Variants in LGSN observed in about 807,000 individuals in gnomAD.
The protein encoded by LGSN is lengsin, lens protein with glutamine synthetase domain.
A neutral mutation model predicts 19.5 loss-of-function variants in LGSN; 21 were observed. That is an observed-to-expected ratio of 1.07 (90% confidence interval 0.76 to 1.55). The LOEUF is 1.55. Among genes scored for constraint, LGSN ranks in the 40% most tolerant of loss-of-function variants. The pLI is 0.00. For missense variants in LGSN, 673 were observed against 608.5 expected, an observed-to-expected ratio of 1.11 and a Z score of -1.12; for synonymous variants, 257 against 215.6, an observed-to-expected ratio of 1.19 and a Z score of -1.68.
At chr6:63,348,655 A>G in the LGSN span, among the ~76,000 whole-genome samples, 1 of 151,928 alleles carries the variant, frequency 6.6e-6, no homozygotes, top group Non-Finnish European at 1.5e-5. Flanking sequence ...GCCTACAGTA[A>G]TCTGTGTTTG....
At chr6:63,304,530 G>A (rs899713320) in intron 1 of LGSN, among the ~76,000 whole-genome samples, 2 of 152,192 alleles carry the variant, frequency 1.3e-5, no homozygotes, top group Non-Finnish European at 2.9e-5. Context: ...ACTGGGTTTT[G>A]TAGAGATTCA....
the LGSN span, among the ~76,000 whole-genome samples, chr6:63,334,910 G>C: frequency 6.6e-6 from 1 of 152,034 alleles, no homozygotes; most frequent in African/African-American, 2.4e-5. Flanking sequence ...AGGCTGAGGA[G>C]GATGGATCAC....
chr6:63,458,859 A>C, the LGSN span, among the ~76,000 whole-genome samples: 4 of 152,350 alleles, frequency 2.6e-5, no homozygotes, highest in East Asian at 7.7e-4. Context: ...CATCATGGGA[A>C]GGTATTGGGC....
the LGSN span, among the ~76,000 whole-genome samples, chr6:63,533,358 G>A: frequency 6.6e-6 from 1 of 151,992 alleles, no homozygotes; most frequent in African/African-American, 2.4e-5. Context: ...CTTCAGCCTG[G>A]GCCACAGAGC....
chr6:63,486,814 GTTTAT>G, the LGSN span, among the ~76,000 whole-genome samples: 13 of 141,764 alleles, frequency 9.2e-5, no homozygotes, highest in African/African-American at 3.6e-4. Flanking sequence ...GTTTTTGTAT[GTTTAT>G]TTTATTATTA....
At chr6:63,420,267 G>A in the LGSN span, among the ~76,000 whole-genome samples, 21 of 151,132 alleles carry the variant, frequency 1.4e-4, no homozygotes, top group Non-Finnish European at 2.2e-4. Context: ...GCATCCCCCC[G>A]GCCCCCTGGG....
chr6:63,371,909 C>A, the LGSN span, among the ~76,000 whole-genome samples: 6 of 152,162 alleles, frequency 3.9e-5, no homozygotes, highest in Non-Finnish European at 7.4e-5. Flanking sequence ...TTCCCTTAAT[C>A]TTCCCTTTGC....
At chr6:63,408,121 T>A in the LGSN span, among the ~76,000 whole-genome samples, 3 of 152,190 alleles carry the variant, frequency 2.0e-5, no homozygotes, top group Admixed American at 6.5e-5. Flanking sequence ...AATTTATAGA[T>A]TCAATGCCAT....
At chr6:63,456,369 A>ATACTTTTTTTTTTTTTT in the LGSN span, among the ~76,000 whole-genome samples, 3 of 40,066 alleles carry the variant, frequency 7.5e-5, no homozygotes, top group Non-Finnish European at 2.2e-4. Context: ...ATATATATAT[A>ATACTTTTTTTTTTTTTT]TATATATATA....
chr6:63,444,982 T>A, the LGSN span, among the ~76,000 whole-genome samples: 1 of 152,164 alleles, frequency 6.6e-6, no homozygotes, highest in African/African-American at 2.4e-5. Context: ...GTAGCTTCCA[T>A]GGAAAAGTGC....
the LGSN span, among the ~76,000 whole-genome samples, chr6:63,446,743 C>T: frequency 6.6e-6 from 1 of 152,068 alleles, no homozygotes; most frequent in Non-Finnish European, 1.5e-5. Context: ...AAGAAAAATA[C>T]AGTATAGTTG....
At chr6:63,481,088 C>T in the LGSN span, among the ~76,000 whole-genome samples, 7 of 151,220 alleles carry the variant, frequency 4.6e-5, no homozygotes, top group Non-Finnish European at 4.4e-5. Context: ...AAGCTGGTGG[C>T]CATTATTCTA....
chr6:63,537,303 A>T, the LGSN span, among the ~76,000 whole-genome samples: 1 of 152,194 alleles, frequency 6.6e-6, no homozygotes, highest in Non-Finnish European at 1.5e-5. Flanking sequence ...GACCTAGTGA[A>T]CCAGAAACTG....
the LGSN span, among the ~76,000 whole-genome samples, chr6:63,485,784 A>G: frequency 6.6e-6 from 1 of 152,138 alleles, no homozygotes; most frequent in African/African-American, 2.4e-5. Context: ...GCTGGAGTGC[A>G]GTGGCATGAT....
intron 1 of LGSN, among the ~76,000 whole-genome samples, chr6:63,298,829 T>C (rs761789729): frequency 2.0e-5 from 3 of 152,354 alleles, no homozygotes; most frequent in East Asian, 1.9e-4. Flanking sequence ...GGGACACCTA[T>C]TGATGTGCAG....
At chr6:63,515,633 T>C in the LGSN span, among the ~76,000 whole-genome samples, 2 of 152,232 alleles carry the variant, frequency 1.3e-5, 1 homozygote, top group South Asian at 4.1e-4. Flanking sequence ...GTATTTACTT[T>C]TTTATTGATT....
the LGSN span, among the ~76,000 whole-genome samples, chr6:63,546,443 C>T: frequency 5.9e-5 from 9 of 152,120 alleles, no homozygotes; most frequent in Non-Finnish European, 1.0e-4. Flanking sequence ...CGGTGGCTCA[C>T]GCATGTAATC....
At chr6:63,477,618 G>A in the LGSN span, among the ~76,000 whole-genome samples, 3 of 143,420 alleles carry the variant, frequency 2.1e-5, no homozygotes, top group Non-Finnish European at 3.0e-5. Context: ...CATAAATCAC[G>A]TAAGATCCAG....
chr6:63,387,947 C>A, the LGSN span, among the ~76,000 whole-genome samples: 164 of 152,248 alleles, frequency 1.1e-3, 2 homozygotes, highest in African/African-American at 3.7e-3. Context: ...CTCACTGCAA[C>A]CTCCGCCTCC....
Sources: allele counts gnomAD v4.1 joint callset (sites outside exome capture counted in the v4.1 genomes callset), GRCh38; gene constraint gnomAD v4.1.1; transcripts MANE v1.5; gene names NCBI Gene and HGNC (gene_info 2026-07-23, HGNC 2026-07-21).